Variants in CDH13 observed in about 807,000 individuals in gnomAD.
CDH13 encodes the protein cadherin 13, also known as cadherin-13.
CDH13 carries 24 observed loss-of-function variants against 63.8 expected under a neutral mutation model. The ratio of observed to expected loss-of-function variants is 0.38; its 90% CI spans 0.27 to 0.53. The LOEUF is 0.53. Among genes scored for constraint, CDH13 ranks in the 20% least tolerant of loss-of-function variants. The pLI, the probability that CDH13 is intolerant of heterozygous loss-of-function variation, is 0.85. For synonymous variants in CDH13, 503 were observed against 355.3 expected (o/e 1.42, Z -4.67); for missense variants, 1,049 against 903.1 (o/e 1.16, Z -2.07).
At chr16:83,245,119 A>C (rs78992898) in intron 5 of CDH13, among the ~76,000 whole-genome samples, 1 of 42,934 alleles carries the variant, frequency 2.3e-5, no homozygotes, top group Non-Finnish European at 4.8e-5. Flanking sequence ...GATAGTATGC[A>C]AAAAAAAAAA....
chr16:82,705,981 A>G (rs561939440), intron 1 of CDH13, among the ~76,000 whole-genome samples: 1 of 152,176 alleles, frequency 6.6e-6, no homozygotes, highest in Admixed American at 6.5e-5. Flanking sequence ...GTTTATACCC[A>G]GGTTATCTAC....
At chr16:82,927,667 C>T (rs1216171649) in intron 2 of CDH13, among the ~76,000 whole-genome samples, 1 of 152,180 alleles carries the variant, frequency 6.6e-6, no homozygotes, top group Admixed American at 6.5e-5. Context: ...CATGTTTCCC[C>T]ATCATATTCC....
chr16:83,615,874 C>T (rs1179000849), intron 8 of CDH13, among the ~76,000 whole-genome samples: 1 of 152,178 alleles, frequency 6.6e-6, no homozygotes, highest in African/African-American at 2.4e-5. Context: ...AAACCGCCAA[C>T]ACCTTCATTT....
intron 9 of CDH13, among the ~76,000 whole-genome samples, chr16:83,672,409 C>CTTTTTGTTTTTTTTTTT (rs1914580002): frequency 2.8e-5 from 1 of 35,108 alleles, no homozygotes; most frequent in Non-Finnish European, 5.0e-5. Flanking sequence ...TCTGGATTCT[C>CTTTTTGTTTTTTTTTTT]TTTTTTTTTT....
intron 10 of CDH13, among the ~76,000 whole-genome samples, chr16:83,731,306 C>T (rs1911018718): frequency 6.7e-6 from 1 of 149,228 alleles, no homozygotes; most frequent in South Asian, 2.2e-4. Context: ...TCCCTTTTCT[C>T]TGTAACCTGG....
At chr16:82,687,444 T>A (rs115687421) in intron 1 of CDH13, among the ~76,000 whole-genome samples, 173 of 152,284 alleles carry the variant, frequency 1.1e-3, no homozygotes, top group African/African-American at 3.8e-3. Flanking sequence ...AGTGGTTTAA[T>A]GGACTTACAG....
At chr16:82,674,446 G>A (rs1018079673) in intron 1 of CDH13, among the ~76,000 whole-genome samples, 1 of 152,224 alleles carries the variant, frequency 6.6e-6, no homozygotes, top group African/African-American at 2.4e-5. Context: ...CAATCCTCCA[G>A]ACAGGGAAAA....
chr16:82,906,207 T>C (rs893633077), intron 2 of CDH13, among the ~76,000 whole-genome samples: 1 of 152,210 alleles, frequency 6.6e-6, no homozygotes, highest in African/African-American at 2.4e-5. Context: ...TTATTTCATT[T>C]CAGGCTTTCA....
chr16:82,880,703 C>G (rs1567625905), intron 2 of CDH13, among the ~76,000 whole-genome samples: 1 of 152,134 alleles, frequency 6.6e-6, no homozygotes, highest in African/African-American at 2.4e-5. Context: ...AATTAATACC[C>G]TTTCTATTAT....
At chr16:82,679,992 C>T (rs1210424472) in intron 1 of CDH13, among the ~76,000 whole-genome samples, 1 of 152,164 alleles carries the variant, frequency 6.6e-6, no homozygotes, top group Non-Finnish European at 1.5e-5. Context: ...GGAAGACCAC[C>T]ACCATAACAC....
chr16:83,584,805 G>A (rs1452858952), intron 7 of CDH13, among the ~76,000 whole-genome samples: 1 of 152,188 alleles, frequency 6.6e-6, no homozygotes, highest in Non-Finnish European at 1.5e-5. Flanking sequence ...ATGGTGCCAG[G>A]CATCTGCATT....
At chr16:83,422,088 G>A (rs542591547) in intron 6 of CDH13, among the ~76,000 whole-genome samples, 2 of 152,208 alleles carry the variant, frequency 1.3e-5, no homozygotes, top group African/African-American at 2.4e-5. Flanking sequence ...CAGAAAAGTT[G>A]GTAGATTTTG....
intron 3 of CDH13, among the ~76,000 whole-genome samples, chr16:83,079,854 T>C (rs1043665553): frequency 1.3e-5 from 2 of 152,254 alleles, no homozygotes; most frequent in Non-Finnish European, 2.9e-5. Flanking sequence ...ATCTACCTTA[T>C]ATAAATTTCT....
intron 4 of CDH13, among the ~76,000 whole-genome samples, chr16:83,132,376 G>A (rs376388078): frequency 6.6e-6 from 1 of 151,080 alleles, no homozygotes; most frequent in African/African-American, 2.4e-5. Context: ...CTTTATCTAT[G>A]TCTAACTATA....
In CDH13 at chr16:83,306,868, G is replaced by A. The variant is rs184710001; in HGVS notation, c.637-37994G>A. The stretch of plus-strand genomic sequence containing the variant: ...TTCTTTGGAAATTACCCAGTCTCAG[G>A]TATACTTATAGCAACACGAAATGGG... On this transcript the variant is annotated intron_variant, in intron 5 of 13. Coordinates refer to ENST00000567109, the MANE Select transcript of CDH13 (RefSeq NM_001257.5). 2.0e-5 allele frequency among the ~76,000 whole-genome samples: 3 copies of A among 152,228 alleles called. 1 individual carries two copies. In the East Asian group the frequency reaches 5.8e-4, roughly 29 times the overall value.
intron 5 of CDH13, among the ~76,000 whole-genome samples, chr16:83,288,674 C>T (rs1442253846): frequency 6.6e-6 from 1 of 152,214 alleles, no homozygotes; most frequent in Non-Finnish European, 1.5e-5. Context: ...AATTGCTTAA[C>T]CTTTTCCCAA....
In CDH13 at chr16:83,148,571, G is replaced by A. The variant is rs2151690031; in HGVS notation, c.483+23070G>A. On this transcript the variant is annotated intron_variant, in intron 4 of 13. Coordinates refer to ENST00000567109, the MANE Select transcript of CDH13 (RefSeq NM_001257.5). ...CCTGCACAGTGGAGGTAATAATAGTGCCTGCCTCATAGGATTTTCCAGAGG... is the reference window on the plus strand; with the variant it reads ...CCTGCACAGTGGAGGTAATAATAGTACCTGCCTCATAGGATTTTCCAGAGG... Among the ~76,000 whole-genome samples, 4 of 152,302 alleles carry A rather than the reference G, an allele frequency of 2.6e-5. No individual in the cohort carries two copies. The South Asian group carries it at 8.3e-4, about 32-fold the overall frequency.
chr16:82,831,726 G>T (rs865932595), intron 1 of CDH13, among the ~76,000 whole-genome samples: 1 of 152,126 alleles, frequency 6.6e-6, no homozygotes, highest in African/African-American at 2.4e-5. Context: ...TGTTCCATGG[G>T]GCCAGGATTG....
intron 1 of CDH13, among the ~76,000 whole-genome samples, chr16:82,809,818 C>A (rs1431675333): frequency 2.0e-5 from 3 of 151,972 alleles, no homozygotes; most frequent in African/African-American, 4.8e-5. Context: ...ATGCCATTAA[C>A]AAAAATAATT....
Sources: gnomAD v4.1 joint callset for allele counts (sites outside exome capture counted in the v4.1 genomes callset) on GRCh38, gnomAD v4.1.1 for gene constraint, MANE v1.5 for transcripts, NCBI Gene and HGNC (gene_info 2026-07-23, HGNC 2026-07-21) for gene names.